The following AUTS2 variants were observed in gnomAD, a reference collection of about 807,000 sequenced individuals.
AUTS2 encodes the protein autism susceptibility gene 2 protein.
A neutral mutation model predicts 112.4 loss-of-function variants in AUTS2; 17 were observed. That is an observed-to-expected ratio of 0.15 (90% CI 0.10 to 0.23). AUTS2 has a LOEUF of 0.23. Ranked by LOEUF, AUTS2 falls within the 10% of genes least tolerant of loss-of-function variation. The pLI, the probability that AUTS2 is intolerant of heterozygous loss-of-function variation, is 1.00. For missense variants in AUTS2, 1,510 were observed against 1,701.6 expected (o/e 0.89, Z 1.98); for synonymous variants, 751 against 702.7 (o/e 1.07, Z -1.09).
At chr7:70,589,118 A>G (rs1802818283) in intron 5 of AUTS2, among the ~76,000 whole-genome samples, 1 of 152,224 alleles carries the variant, frequency 6.6e-6, no homozygotes, top group Admixed American at 6.5e-5. Flanking sequence ...CCAGTCACAC[A>G]GTGGGGGCCC....
At chr7:70,570,575 C>G (rs1046087724) in intron 5 of AUTS2, among the ~76,000 whole-genome samples, 6 of 152,122 alleles carry the variant, frequency 3.9e-5, no homozygotes, top group Admixed American at 2.0e-4. Flanking sequence ...CTGCTTTCAC[C>G]TCTCCTATGC....
intron 1 of AUTS2, among the ~76,000 whole-genome samples, chr7:69,685,719 CTTTT>C: frequency 7.1e-6 from 1 of 140,118 alleles, no homozygotes. Context: ...GATCCATGCC[CTTTT>C]TTTTTTTTTT....
intron 3 of AUTS2, chr7:70,120,291 ATATAT>A (rs1428234261): frequency 1.3e-5 from 2 of 152,142 alleles, no homozygotes; most frequent in African/African-American, 4.8e-5. Context: ...TGTTATTTTA[ATATAT>A]TAGTTATAGA....
intron 6 of AUTS2, among the ~76,000 whole-genome samples, chr7:70,730,016 G>T (rs1563157187): frequency 6.6e-6 from 1 of 152,130 alleles, no homozygotes; most frequent in African/African-American, 2.4e-5. Flanking sequence ...CTGCGTAGCT[G>T]GGATTACAGG....
intron 4 of AUTS2, among the ~76,000 whole-genome samples, chr7:70,339,493 T>C (rs1315599065): frequency 6.6e-6 from 1 of 152,246 alleles, no homozygotes; most frequent in Non-Finnish European, 1.5e-5. Context: ...TTTCTCTCTC[T>C]CCACTTCGGG....
intron 5 of AUTS2, among the ~76,000 whole-genome samples, chr7:70,583,891 A>G (rs1802569566): frequency 6.6e-6 from 1 of 152,244 alleles, no homozygotes; most frequent in Admixed American, 6.5e-5. Context: ...AGCAGTGTTA[A>G]TTAGCTGCAG....
chr7:69,906,355 A>G lies in AUTS2; in HGVS notation c.522+6857A>G, dbSNP rs1004065353. Among the ~76,000 whole-genome samples the G allele has an allele frequency of 7.9e-5, 12 of 152,344 alleles. No individual in the cohort carries two copies. The South Asian group carries it at 2.3e-3, about 29-fold the overall frequency. On this transcript the variant is annotated intron_variant, in intron 2 of 18. Coordinates refer to ENST00000342771, the MANE Select transcript of AUTS2 (RefSeq NM_015570.4). ...CTCTGTTCACAGCAATCTTGTATCC[A>G]CACAAGTCTGTACATGACAGGTAAT...
intron 5 of AUTS2, among the ~76,000 whole-genome samples, chr7:70,635,709 G>A (rs2129539225): frequency 6.6e-6 from 1 of 152,312 alleles, no homozygotes; most frequent in Non-Finnish European, 1.5e-5. Context: ...CTTCTAGAAG[G>A]GGTGATTTGT....
chr7:69,731,466 T>C (rs920586421), intron 1 of AUTS2, among the ~76,000 whole-genome samples: 10 of 152,166 alleles, frequency 6.6e-5, no homozygotes, highest in Non-Finnish European at 1.3e-4. Flanking sequence ...ATTAAGAAAA[T>C]GTATGTGAAA....
chr7:70,037,013 A>C (rs925137969), intron 2 of AUTS2, among the ~76,000 whole-genome samples: 1 of 152,184 alleles, frequency 6.6e-6, no homozygotes, highest in African/African-American at 2.4e-5. Flanking sequence ...CAGGTGTTTT[A>C]AAAAAATAAT....
intron 4 of AUTS2, among the ~76,000 whole-genome samples, chr7:70,389,590 TATG>T (rs905271728): frequency 6.6e-6 from 1 of 152,158 alleles, no homozygotes; most frequent in African/African-American, 2.4e-5. Context: ...AAATGGAAAT[TATG>T]ATATTTCACT....
intron 2 of AUTS2, among the ~76,000 whole-genome samples, chr7:70,107,206 C>CAGTGAT (rs1175894400): frequency 6.6e-6 from 1 of 152,038 alleles, no homozygotes; most frequent in Admixed American, 6.6e-5. Context: ...AGAACAAAAT[C>CAGTGAT]AGTGATAGCA....
chr7:70,707,615 C>T (rs1382132596), intron 6 of AUTS2, among the ~76,000 whole-genome samples: 2 of 152,114 alleles, frequency 1.3e-5, no homozygotes, highest in Non-Finnish European at 2.9e-5. Context: ...CCCATACCTT[C>T]CCAAAGTATT....
rs114542039 is a variant in AUTS2, at chr7:69,856,021, T to C, written c.310-43265T>C. ...TGTGGCTTCCCCGCAGTGATTCTTC[T>C]GAGTGGATGGAATAAATCAAGTTTC... On this transcript the variant is annotated intron_variant, in intron 1 of 18. Transcript: ENST00000342771. Among the ~76,000 whole-genome samples the C allele has an allele frequency of 2.2e-3, 332 of 152,370 alleles. 1 individual carries two copies. The highest frequency in any genetic ancestry group is 7.0e-3 in the African/African-American group (292 of 41,590).
At chr7:70,773,068 T>C (rs1245610515) in intron 11 of AUTS2, among the ~76,000 whole-genome samples, 1 of 152,254 alleles carries the variant, frequency 6.6e-6, no homozygotes, top group Non-Finnish European at 1.5e-5. Flanking sequence ...AGATTGCAGT[T>C]CATTAGTGGA....
chr7:70,539,632 C>T (rs1800463312), intron 5 of AUTS2, among the ~76,000 whole-genome samples: 1 of 152,050 alleles, frequency 6.6e-6, no homozygotes, highest in African/African-American at 2.4e-5. Context: ...CTTTTTTTAA[C>T]ATAAAGTTAA....
At chr7:70,529,347 T>C (rs1441452472) in intron 5 of AUTS2, among the ~76,000 whole-genome samples, 1 of 152,200 alleles carries the variant, frequency 6.6e-6, no homozygotes, top group Non-Finnish European at 1.5e-5. Flanking sequence ...AGCAATCATG[T>C]GAGCTAGACA....
chr7:70,354,706 G>A (rs569599423), intron 4 of AUTS2, among the ~76,000 whole-genome samples: 2 of 152,300 alleles, frequency 1.3e-5, no homozygotes, highest in East Asian at 3.9e-4. Flanking sequence ...GAGTCCAAAT[G>A]AGATGGGCCA....
intron 1 of AUTS2, among the ~76,000 whole-genome samples, chr7:69,838,749 G>C (rs1791835846): frequency 6.6e-6 from 1 of 152,124 alleles, no homozygotes; most frequent in Non-Finnish European, 1.5e-5. Context: ...TAGCTGCTGT[G>C]GTTTAAGTGG....
Sources: allele counts gnomAD v4.1 joint callset (sites outside exome capture counted in the v4.1 genomes callset), GRCh38; gene constraint gnomAD v4.1.1; transcripts MANE v1.5; gene names NCBI Gene and HGNC (gene_info 2026-07-23, HGNC 2026-07-21).